Variants in RNF145 observed in about 807,000 individuals in gnomAD.
RNF145 encodes ring finger protein 145.
In RNF145, 12 loss-of-function variants were observed where a neutral mutation model predicts 57.3. That is an observed-to-expected ratio of 0.21 (90% CI 0.13 to 0.34). RNF145 has a LOEUF of 0.34. Among genes scored for constraint, RNF145 ranks in the 10% least tolerant of loss-of-function variants. The probability of loss-of-function intolerance (pLI) is 1.00; values close to 1 mark genes in which losing one functional copy is unlikely to be tolerated. For missense variants in RNF145, 429 were observed against 799.0 expected, an observed-to-expected ratio of 0.54 and a Z score of 5.58; for synonymous variants, 262 against 288.3, an observed-to-expected ratio of 0.91 and a Z score of 0.92.
chr5:159,161,285 A>G lies in RNF145; in HGVS notation c.1607T>C (p.Ile536Thr), dbSNP rs545563752. ...TKEQLEKHND[I>T]CAICYQDMKS... ...AGTTACCTGATAACAGATGGCACAA[A>G]TATCATTGTGTTTCTCAAGCTGCTC... The change falls in exon 10 of 11, where the codon ATT (isoleucine) becomes ACT (threonine). Residue 536 changes from isoleucine (I) to threonine (T), a missense_variant. Coordinates refer to ENST00000424310, the MANE Select transcript of RNF145 (RefSeq NM_001199383.2). 1 of 1,608,680 alleles carries G rather than the reference A, an allele frequency of 6.2e-7. No individual in the cohort carries two copies. The highest frequency in any genetic ancestry group is 8.5e-7 in the Non-Finnish European group (1 of 1,175,656).
At chr5:159,189,137 G>A (rs1785193221) in intron 3 of RNF145, among the ~76,000 whole-genome samples, 1 of 152,080 alleles carries the variant, frequency 6.6e-6, no homozygotes, top group African/African-American at 2.4e-5. Flanking sequence ...TCATAGATCT[G>A]ATAAGGGACT....
chr5:159,178,120 G>A (rs1784775048), intron 4 of RNF145, among the ~76,000 whole-genome samples: 3 of 151,602 alleles, frequency 2.0e-5, no homozygotes, highest in Admixed American at 2.0e-4. Flanking sequence ...TAGTGCCATG[G>A]CTTATTACAT....
rs575703178 is a variant in RNF145, at chr5:159,206,252, C to T, written c.-39-2596G>A. Among the ~76,000 whole-genome samples, 13 of 152,178 alleles carry T rather than the reference C, an allele frequency of 8.5e-5. No homozygotes were observed. In the South Asian group the frequency reaches 2.3e-3, roughly 27 times the overall value. On this transcript the variant is annotated intron_variant, in intron 1 of 10. Coordinates refer to ENST00000424310, the MANE Select transcript of RNF145 (RefSeq NM_001199383.2). ...ATAGAATTAAATACGCCCAAATAAA[C>T]GAAACTAAATGTTGCATTTATTTCT...
At chr5:159,206,531 A>G (rs1177014318) in intron 1 of RNF145, among the ~76,000 whole-genome samples, 1 of 152,192 alleles carries the variant, frequency 6.6e-6, no homozygotes, top group Non-Finnish European at 1.5e-5. Context: ...AGTACTTGCA[A>G]TTACTCACAC....
Position 159,161,541 on chromosome 5 carries a change from T to G in RNF145, c.1351A>C (p.Ile451Leu), listed in dbSNP as rs1306342003. The change falls in exon 10 of 11, where the codon ATC becomes CTC. Residue 451 changes from isoleucine to leucine, a missense_variant. Physicochemically the swap from Ile to Leu is conservative, Grantham distance 5 (BLOSUM62 2). Coordinates refer to ENST00000424310, the MANE Select transcript of RNF145 (RefSeq NM_001199383.2). ...CGGTAAGTGCCATTCACATAGTAGA[T>G]GACATCATCCATGTTTTCCACTGGC... is the stretch of plus-strand genomic sequence containing the variant. ...KEPVENMDDV[I>L]YYVNGTYRLL... The G allele has an allele frequency of 1.9e-6, 3 of 1,613,896 alleles. No individual in the cohort carries two copies. Among genetic ancestry groups the G allele is most frequent in the Non-Finnish European group, 2.5e-6 (3 of 1,179,928 alleles).
chr5:159,208,012 C>T (rs1239626715), intron 1 of RNF145: 46 of 1,536,928 alleles, frequency 3.0e-5, no homozygotes, highest in Non-Finnish European at 3.8e-5. Context: ...ACACACAGTC[C>T]TCTCCTTCCC....
chr5:159,198,051 G>A lies in RNF145; in HGVS notation c.185-3227C>T, dbSNP rs559202806. 4.4e-4 allele frequency among the ~76,000 whole-genome samples: 67 copies of A among 152,048 alleles called. 2 individuals carry two copies. The highest frequency in any genetic ancestry group is 1.5e-3 in the African/African-American group (61 of 41,468). On this transcript the variant is annotated intron_variant, in intron 2 of 10. Transcript: ENST00000424310. The stretch of plus-strand genomic sequence containing the variant: ...GCTTAGGAGTTCGAGACCAGCCTGG[G>A]TAACACGGCAAATTCCTGTCTCTAC...
chr5:159,209,473 G>A lies in RNF145; in HGVS notation c.-282C>T. On this transcript the variant is annotated 5_prime_UTR_variant, in exon 1 of 11. Transcript: ENST00000424310. The stretch of plus-strand genomic sequence containing the variant: ...ATCGTCCGCGGCAGCAGGCGCTCGC[G>A]GGCCGAGCCCCTTAGCAGCCGGCGC... 1 of 982,416 alleles carries A rather than the reference G, an allele frequency of 1.0e-6. No homozygotes were observed. The highest frequency in any genetic ancestry group is 4.5e-5 in the South Asian group (1 of 22,042). The allele number at this position is 982,416 out of a possible 1,614,324, so 60.9% of individuals were successfully genotyped here.
intron 3 of RNF145, among the ~76,000 whole-genome samples, chr5:159,185,403 A>C (rs1207544592): frequency 1.3e-5 from 2 of 152,208 alleles, no homozygotes; most frequent in Non-Finnish European, 2.9e-5. Flanking sequence ...TGAAATAAGA[A>C]TCAGGGTTAA....
chr5:159,160,184 A>C (rs540028725), intron 10 of RNF145, among the ~76,000 whole-genome samples: 2 of 152,280 alleles, frequency 1.3e-5, no homozygotes, highest in South Asian at 4.1e-4. Flanking sequence ...CTAGCACAAA[A>C]GAGCTAGGGT....
chr5:159,204,834 A>G lies in RNF145; in HGVS notation c.-39-1178T>C, dbSNP rs886912822. Among the ~76,000 whole-genome samples the G allele has an allele frequency of 2.7e-4, 41 of 150,522 alleles. 1 individual carries two copies. Among genetic ancestry groups the G allele is most frequent in the Admixed American group, 2.1e-3 (32 of 15,094 alleles). ...AAAAAAAAAAAAAAAAAAAGCAAACAAAAGTGGGTAAAGAACAATTTAAAG... is the reference window on the plus strand; with the variant it reads ...AAAAAAAAAAAAAAAAAAAGCAAACGAAAGTGGGTAAAGAACAATTTAAAG... On this transcript the variant is annotated intron_variant, in intron 1 of 10. Coordinates refer to ENST00000424310, the MANE Select transcript of RNF145 (RefSeq NM_001199383.2).
chr5:159,166,183 T>C (rs941810991), intron 8 of RNF145, among the ~76,000 whole-genome samples: 12 of 152,224 alleles, frequency 7.9e-5, no homozygotes, highest in Admixed American at 6.5e-5. Context: ...TTATCATGAA[T>C]GATGCTGAAC....
intron 10 of RNF145, 151 bp from the exon 11 acceptor site, chr5:159,159,186 T>TA: frequency 1.5e-6 from 1 of 673,572 alleles, no homozygotes; most frequent in Non-Finnish European, 2.5e-6. Context: ...ATATCAGTAA[T>TA]AATCCTGCTG....
chr5:159,176,092 C>T (rs988480370), intron 5 of RNF145, among the ~76,000 whole-genome samples: 1 of 152,098 alleles, frequency 6.6e-6, no homozygotes, highest in African/African-American at 2.4e-5. Flanking sequence ...TGAAATCTAT[C>T]ATATTATAAC....
Position 159,169,824 on chromosome 5 carries a change from A to G in RNF145, c.798-5T>C, listed in dbSNP as rs1784489923. On this transcript the variant is annotated splice_polypyrimidine_tract_variant and splice_region_variant and intron_variant, in intron 6 of 10. Transcript: ENST00000424310. ...GTGCTGCAGCATTCCGCAATACTGG[A>G]AAAAAAGAGGGGGAAATTAACAGAC... 1 of 1,587,922 alleles carries G rather than the reference A, an allele frequency of 6.3e-7. No homozygotes were observed. Among genetic ancestry groups the G allele is most frequent in the Non-Finnish European group, 8.5e-7 (1 of 1,170,792 alleles).
intron 8 of RNF145, among the ~76,000 whole-genome samples, chr5:159,167,000 G>A (rs2113100931): frequency 6.6e-6 from 1 of 152,158 alleles, no homozygotes; most frequent in South Asian, 2.1e-4. Flanking sequence ...AGGGATAACT[G>A]TTCTTTGGAA....
At chr5:159,208,219 G>C in intron 1 of RNF145, 1 of 1,264,150 alleles carries the variant, frequency 7.9e-7, no homozygotes. Context: ...AGTAGCAGCA[G>C]CAACCGGGCC....
chr5:159,201,734 T>C (rs1165332050), intron 2 of RNF145, among the ~76,000 whole-genome samples: 1 of 152,222 alleles, frequency 6.6e-6, no homozygotes, highest in South Asian at 2.1e-4. Context: ...TTTTTATATT[T>C]ACTTATATAT....
Position 159,158,825 on chromosome 5 carries a change from C to T in RNF145, c.1837G>A (p.Gly613Ser), listed in dbSNP as rs1784124460. ...CTGGTCCCTGGAGTATGCTCCTGGCCTGGGGGTTCAGTACCTTCCTGAAAC... is the reference window on the plus strand; with the variant it reads ...CTGGTCCCTGGAGTATGCTCCTGGCTTGGGGGTTCAGTACCTTCCTGAAAC... ...VMFQEGTEPP[G>S]QEHTPGTRIQ... Residue 613 changes from glycine to serine, a missense_variant, in exon 11 of 11, where the codon GGC becomes AGC. Gly to Ser is a moderately conservative substitution (Grantham distance 56). Transcript: ENST00000424310. 1 of 1,613,776 alleles carries T rather than the reference C, an allele frequency of 6.2e-7. No individual in the cohort carries two copies.
Sources: gnomAD v4.1 joint callset for allele counts (sites outside exome capture counted in the v4.1 genomes callset) on GRCh38, gnomAD v4.1.1 for gene constraint, MANE v1.5 for transcripts, NCBI Gene and HGNC (gene_info 2026-07-23, HGNC 2026-07-21) for gene names.